CNTN5: variants seen among roughly 807,000 people sequenced by gnomAD.
CNTN5 encodes contactin-5.
CNTN5 carries 77 observed loss-of-function variants against 129.1 expected under a neutral mutation model. That is an observed-to-expected ratio of 0.60 (90% CI 0.50 to 0.72). The LOEUF (loss-of-function observed/expected upper bound fraction) is 0.72. Among genes scored for constraint, CNTN5 ranks in the 30% least tolerant of loss-of-function variants. The probability of loss-of-function intolerance (pLI) is 0.00; values close to 1 mark genes in which losing one functional copy is unlikely to be tolerated. For synonymous variants in CNTN5, 509 were observed against 465.6 expected (o/e 1.09, Z -1.20); for missense variants, 1,478 against 1,328.8 (o/e 1.11, Z -1.75).
intron 1 of CNTN5, among the ~76,000 whole-genome samples, chr11:99,212,338 A>T (rs1859843660): frequency 1.3e-5 from 2 of 152,110 alleles, no homozygotes; most frequent in Admixed American, 1.3e-4. Context: ...TTTTCCTTAC[A>T]CTATAAATCT....
At chr11:100,023,900 C>T (rs1182344972) in intron 9 of CNTN5, among the ~76,000 whole-genome samples, 1 of 151,958 alleles carries the variant, frequency 6.6e-6, no homozygotes, top group African/African-American at 2.4e-5. Flanking sequence ...GTTCATTTAT[C>T]TATTCAGCTA....
intron 18 of CNTN5, among the ~76,000 whole-genome samples, chr11:100,292,837 G>A (rs1459977572): frequency 6.6e-6 from 1 of 151,952 alleles, no homozygotes; most frequent in Non-Finnish European, 1.5e-5. Context: ...TTCAGCATCT[G>A]AGATTACATG....
At chr11:99,595,378 A>C (rs1950094926) in intron 3 of CNTN5, among the ~76,000 whole-genome samples, 1 of 152,070 alleles carries the variant, frequency 6.6e-6, no homozygotes, top group Admixed American at 6.6e-5. Flanking sequence ...TAAGGGAAAT[A>C]TTTTTATGTA....
At chr11:99,394,534 T>G (rs534680354) in intron 2 of CNTN5, among the ~76,000 whole-genome samples, 229 of 151,810 alleles carry the variant, frequency 1.5e-3, no homozygotes, top group Non-Finnish European at 2.8e-3. Flanking sequence ...AATTATGTTT[T>G]ATTGCCCTTT....
intron 20 of CNTN5, among the ~76,000 whole-genome samples, chr11:100,308,021 A>C (rs1490089772): frequency 2.0e-5 from 3 of 151,714 alleles, no homozygotes; most frequent in African/African-American, 7.2e-5. Context: ...GCAACAACAA[A>C]AAAAAGCAAA....
intron 23 of CNTN5, among the ~76,000 whole-genome samples, chr11:100,348,190 C>T (rs1468240078): frequency 1.1e-4 from 1 of 9,182 alleles, no homozygotes; most frequent in Admixed American, 1.4e-3. Context: ...TCCTTACTGT[C>T]AATAACTATT....
chr11:99,629,929 C>T (rs115209378), intron 3 of CNTN5, among the ~76,000 whole-genome samples: 2,782 of 151,276 alleles, frequency 0.018, 92 homozygotes, highest in African/African-American at 0.063. Flanking sequence ...TATTTATGCT[C>T]AGATTATTAT....
At chr11:100,273,264 T>G (rs1374823935) in intron 18 of CNTN5, among the ~76,000 whole-genome samples, 1 of 152,022 alleles carries the variant, frequency 6.6e-6, no homozygotes, top group Non-Finnish European at 1.5e-5. Context: ...GCACAGTCTT[T>G]CCCCACACTG....
intron 2 of CNTN5, among the ~76,000 whole-genome samples, chr11:99,428,652 A>G (rs1003491943): frequency 6.6e-6 from 1 of 151,906 alleles, no homozygotes; most frequent in South Asian, 2.1e-4. Flanking sequence ...ATGAATATCT[A>G]TTATCTAACA....
intron 1 of CNTN5, among the ~76,000 whole-genome samples, chr11:99,316,795 T>C (rs1565485933): frequency 6.6e-6 from 1 of 151,668 alleles, no homozygotes; most frequent in Non-Finnish European, 1.5e-5. Context: ...TCTGCTTTAA[T>C]TAAGAGCAAT....
chr11:100,241,796 G>C (rs1320498988), intron 16 of CNTN5, among the ~76,000 whole-genome samples: 2 of 152,150 alleles, frequency 1.3e-5, no homozygotes, highest in Non-Finnish European at 2.9e-5. Context: ...GCATGCAAAG[G>C]ATCCTCAGAA....
chr11:100,016,631 G>C (rs1347576994), intron 9 of CNTN5, among the ~76,000 whole-genome samples: 1 of 151,682 alleles, frequency 6.6e-6, no homozygotes, highest in African/African-American at 2.4e-5. Context: ...CTTGATTTTT[G>C]ATGGTAGAGC....
chr11:100,294,396 A>G (rs960263483), intron 18 of CNTN5, among the ~76,000 whole-genome samples: 1 of 151,718 alleles, frequency 6.6e-6, no homozygotes, highest in African/African-American at 2.4e-5. Context: ...ACATGAGTTT[A>G]TATTTCAACA....
intron 8 of CNTN5, among the ~76,000 whole-genome samples, chr11:99,983,629 C>T (rs1200493102): frequency 6.6e-6 from 1 of 152,098 alleles, no homozygotes; most frequent in South Asian, 2.1e-4. Context: ...ATCTAGAGCC[C>T]TGAAAGGACT....
At chr11:99,714,564 G>A (rs1172455446) in intron 3 of CNTN5, among the ~76,000 whole-genome samples, 1 of 151,700 alleles carries the variant, frequency 6.6e-6, no homozygotes, top group Non-Finnish European at 1.5e-5. Context: ...GTGCCATGCT[G>A]GTTTTTTAAC....
chr11:99,063,535 A>AATAT (rs1370145612), intron 1 of CNTN5, among the ~76,000 whole-genome samples: 1 of 127,690 alleles, frequency 7.8e-6, no homozygotes, highest in African/African-American at 3.2e-5. Flanking sequence ...TAAATAAATA[A>AATAT]ATAAATAAAT....
intron 6 of CNTN5, among the ~76,000 whole-genome samples, chr11:99,907,117 C>G (rs1473345993): frequency 6.6e-6 from 1 of 151,776 alleles, no homozygotes; most frequent in Non-Finnish European, 1.5e-5. Flanking sequence ...GTGTCTGTAT[C>G]TCCTTCAGTT....
chr11:100,189,371 T>A (rs1469324840), intron 13 of CNTN5, among the ~76,000 whole-genome samples: 1 of 151,956 alleles, frequency 6.6e-6, no homozygotes, highest in Non-Finnish European at 1.5e-5. Context: ...TAGTTTATGT[T>A]AAATGTTGCC....
rs529083530 is a variant in CNTN5, at chr11:99,176,022, A to C, written c.-209-149324A>C. On this transcript the variant is annotated intron_variant, in intron 1 of 24. Coordinates refer to ENST00000524871, the MANE Select transcript of CNTN5 (RefSeq NM_014361.4). Reference sequence around the variant, plus strand: ...TTATTTTCTTTCTTCTCCACAAAACAATGCTTACCTTGTTTCTGGACGGTT... The same window carrying C: ...TTATTTTCTTTCTTCTCCACAAAACCATGCTTACCTTGTTTCTGGACGGTT... Among the ~76,000 whole-genome samples, 8 of 152,316 alleles carry C rather than the reference A, an allele frequency of 5.3e-5. 1 individual carries two copies. The South Asian group carries it at 1.7e-3, about 32-fold the overall frequency.
Sources: allele counts gnomAD v4.1 joint callset (sites outside exome capture counted in the v4.1 genomes callset), GRCh38; gene constraint gnomAD v4.1.1; transcripts MANE v1.5; gene names NCBI Gene and HGNC (gene_info 2026-07-23, HGNC 2026-07-21).